Variants in USP53 observed in about 807,000 individuals in gnomAD.
The protein encoded by USP53 is ubiquitin specific peptidase 53.
Under a neutral mutation model 94.9 loss-of-function variants are expected in USP53, and 71 were observed. The ratio of observed to expected loss-of-function variants is 0.75; its 90% CI spans 0.62 to 0.91. USP53 has a LOEUF of 0.91. Among genes scored for constraint, USP53 ranks in the 40% least tolerant of loss-of-function variants. The pLI, the probability that USP53 is intolerant of heterozygous loss-of-function variation, is 0.00. For missense variants in USP53, 1,173 were observed against 1,281.0 expected (o/e 0.92, Z 1.29); for synonymous variants, 375 against 422.7 (o/e 0.89, Z 1.39).
chr4:119,285,058 T>G (rs1473748176), intron 17 of USP53, among the ~76,000 whole-genome samples: 1 of 151,860 alleles, frequency 6.6e-6, no homozygotes, highest in Non-Finnish European at 1.5e-5. Context: ...TTGCAGAAGA[T>G]AAGGAACTAA....
chr4:119,292,718 G>A lies in USP53; in HGVS notation c.2729G>A (p.Cys910Tyr), dbSNP rs1754901059. The change falls in exon 19 of 19, where the codon TGT becomes TAT. Residue 910 changes from cysteine (C) to tyrosine (Y), a missense_variant. Transcript: ENST00000692078. ...CGGTCAGCCAGCAGATCTGATGGGT[G>A]TCAGATGCCAAAACTTTTTTGCCAG... ...IIRSASRSDG[C>Y]QMPKLFCQNL... 6.2e-7 allele frequency: 1 copy of A among 1,614,056 alleles called. No homozygotes were observed. Among genetic ancestry groups the A allele is most frequent in the Non-Finnish European group, 8.5e-7 (1 of 1,179,978 alleles).
intron 17 of USP53, among the ~76,000 whole-genome samples, chr4:119,278,426 GC>G (rs1333964080): frequency 6.9e-6 from 1 of 144,184 alleles, no homozygotes; most frequent in Non-Finnish European, 1.5e-5. Context: ...TTGAATATTG[GC>G]CCCCACTCTC....
At chr4:119,223,106 A>G (rs1744768925) in intron 3 of USP53, among the ~76,000 whole-genome samples, 1 of 152,222 alleles carries the variant, frequency 6.6e-6, no homozygotes, top group Admixed American at 6.5e-5. Context: ...AGAAGTTAAA[A>G]GTTTATTACA....
intron 3 of USP53, among the ~76,000 whole-genome samples, chr4:119,222,596 C>A (rs770450725): frequency 1.1e-4 from 17 of 152,170 alleles, no homozygotes; most frequent in Non-Finnish European, 2.1e-4. Flanking sequence ...ATATCCTTCA[C>A]TTCCATCCAT....
chr4:119,282,804 T>G (rs1753654461), intron 17 of USP53, among the ~76,000 whole-genome samples: 1 of 152,048 alleles, frequency 6.6e-6, no homozygotes, highest in African/African-American at 2.4e-5. Flanking sequence ...CTATATATGA[T>G]TTTCTTGGTC....
At chr4:119,285,566 C>T (rs1325814555) in intron 17 of USP53, among the ~76,000 whole-genome samples, 1 of 151,894 alleles carries the variant, frequency 6.6e-6, no homozygotes, top group South Asian at 2.1e-4. Flanking sequence ...TCTTCTTGTA[C>T]AAATAGTCTG....
rs1578490866 is a variant in USP53, at chr4:119,256,475, C to T, written c.521C>T (p.Pro174Leu). Reference protein sequence around the residue: ...VCRSCGASSDPLPFTEFVRYI... With the variant: ...VCRSCGASSDLLPFTEFVRYI... ...CGTAGCTGTGGAGCATCGTCAGATC[C>T]TCTACCTTTTACAGAATTTGTGCGG... is the stretch of plus-strand genomic sequence containing the variant. The change falls in exon 9 of 19, where the codon CCT (proline) becomes CTT (leucine). Residue 174 changes from proline (P) to leucine (L), a missense_variant. Transcript: ENST00000692078. 6.2e-7 allele frequency: 1 copy of T among 1,614,096 alleles called. No individual in the cohort carries two copies. Among genetic ancestry groups the T allele is most frequent in the Non-Finnish European group, 8.5e-7 (1 of 1,180,000 alleles).
chr4:119,290,756 A>G (rs1424704447), intron 17 of USP53, among the ~76,000 whole-genome samples: 1 of 152,192 alleles, frequency 6.6e-6, no homozygotes, highest in Middle Eastern at 3.2e-3. Context: ...TAAGAGGTTA[A>G]AAGGCTTGTT....
intron 12 of USP53, among the ~76,000 whole-genome samples, 199 bp from the exon 13 acceptor site, chr4:119,267,121 T>C (rs144255151): frequency 3.3e-5 from 5 of 152,212 alleles, no homozygotes; most frequent in African/African-American, 2.4e-5. Flanking sequence ...GCCCGTCAAA[T>C]TTTTAAAAGA....
rs1750353517 is a variant in USP53 at position 119,260,429 on chromosome 4, CATT to C, written c.676-75_676-73del. 4 of 1,287,896 alleles carry C rather than the reference CATT, an allele frequency of 3.1e-6. No homozygotes were observed. In the Admixed American group the frequency reaches 7.5e-5, roughly 24 times the overall value. The allele number at this position is 1,287,896 out of a possible 1,614,324, so 79.8% of individuals were successfully genotyped here. On this transcript the variant is annotated intron_variant, in intron 10 of 18. Transcript: ENST00000692078. ...AATTGCAGATATGTGTTAAAATTGT[CATT>C]ATATAATGCAAACTGTGTAAGGCTG...
intron 17 of USP53, among the ~76,000 whole-genome samples, chr4:119,278,060 C>T (rs1317716309): frequency 4.0e-5 from 6 of 149,338 alleles, no homozygotes; most frequent in Non-Finnish European, 7.4e-5. Flanking sequence ...ATCCAATTTG[C>T]CAGTCTGTGT....
chr4:119,219,745 C>A (rs529809099), intron 3 of USP53: 1 of 152,292 alleles, frequency 6.6e-6, no homozygotes, highest in Non-Finnish European at 1.5e-5. Flanking sequence ...GATTACCTAA[C>A]TAATTATGTA....
Position 119,271,536 on chromosome 4 carries a change from A to G in USP53, c.1676A>G (p.Asp559Gly). Residue 559 changes from aspartate to glycine, a missense_variant, in exon 16 of 19, where the codon GAC (aspartate) becomes GGC (glycine). Transcript: ENST00000692078. ...AAGAGTGACAATGGCACTGGATATG[A>G]CACAGACAGCAGCCAAGATTCTAGG... is the stretch of plus-strand genomic sequence containing the variant. ...KVKSDNGTGY[D>G]TDSSQDSRDR... is the part of the protein sequence containing the mutation. The G allele has an allele frequency of 3.1e-6, 5 of 1,613,802 alleles. No homozygotes were observed. The highest frequency in any genetic ancestry group is 4.2e-6 in the Non-Finnish European group (5 of 1,180,028).
intron 17 of USP53, among the ~76,000 whole-genome samples, chr4:119,276,309 G>A (rs796487388): frequency 1.4e-3 from 171 of 125,364 alleles, no homozygotes; most frequent in Middle Eastern, 4.2e-3. Context: ...TTAGCATGAA[G>A]CATTGTTGAA....
intron 3 of USP53, chr4:119,221,400 C>T (rs1394559619): frequency 1.3e-5 from 2 of 151,414 alleles, no homozygotes; most frequent in Non-Finnish European, 1.5e-5. Context: ...GGCCACTACA[C>T]TCCAGCCTGG....
rs934475868 is a variant in USP53, at chr4:119,271,768, AG to A, written c.1910del (p.Gly637ValfsTer2). The A allele has an allele frequency of 1.2e-6, 2 of 1,613,774 alleles. No homozygotes were observed. Among genetic ancestry groups the A allele is most frequent in the East Asian group, 4.5e-5 (2 of 44,874 alleles). On this transcript the variant is annotated frameshift_variant, in exon 16 of 19. Coordinates refer to ENST00000692078, the MANE Select transcript of USP53 (RefSeq NM_001371395.1). LOFTEE classifies it high-confidence loss of function. Reference protein sequence around the residue: ...NWPKENPKQKGLMTIYEDEMK... With the variant: ...NWPKENPKQKXLMTIYEDEMK... ...GGCCAAAAGAGAATCCAAAGCAAAA[AG>A]GTTTAATGACCATATATGAAGATGA...
chr4:119,260,598 C>T lies in USP53; in HGVS notation c.767C>T (p.Ser256Phe), dbSNP rs1308963191. 1.2e-6 allele frequency: 2 copies of T among 1,613,820 alleles called. No homozygotes were observed. The highest frequency in any genetic ancestry group is 1.1e-5 in the South Asian group (1 of 91,050). Reference sequence around the variant, plus strand: ...GGTTTAGTCTGGGACTCCGAGCATTCTGACTTGACCGAAGCTGTTGTTCGG... The same window carrying T: ...GGTTTAGTCTGGGACTCCGAGCATTTTGACTTGACCGAAGCTGTTGTTCGG... ...TIGLVWDSEH[S>F]DLTEAVVRNL... The change falls in exon 11 of 19, where the codon TCT (serine) becomes TTT (phenylalanine). Residue 256 changes from serine to phenylalanine, a missense_variant. Transcript: ENST00000692078.
chr4:119,282,174 T>G lies in USP53; in HGVS notation c.2251+8466T>G, dbSNP rs1318439863. ...CATTCCTTTTTAAGACTGAGTAACA[T>G]TCTATTGTATTATATACCACATCTT... On this transcript the variant is annotated intron_variant, in intron 17 of 18. Coordinates refer to ENST00000692078, the MANE Select transcript of USP53 (RefSeq NM_001371395.1). Among the ~76,000 whole-genome samples, 7 of 152,280 alleles carry G rather than the reference T, an allele frequency of 4.6e-5. No individual in the cohort carries two copies. In the East Asian group the frequency reaches 1.3e-3, roughly 29 times the overall value.
intron 3 of USP53, among the ~76,000 whole-genome samples, chr4:119,233,282 G>A (rs1459010746): frequency 6.6e-6 from 1 of 151,162 alleles, no homozygotes; most frequent in Non-Finnish European, 1.5e-5. Context: ...AATTGACTTG[G>A]AAATCTCCTT....
Sources: gnomAD v4.1 joint callset for allele counts (sites outside exome capture counted in the v4.1 genomes callset) on GRCh38, gnomAD v4.1.1 for gene constraint, MANE v1.5 for transcripts, NCBI Gene and HGNC (gene_info 2026-07-23, HGNC 2026-07-21) for gene names.